The following MYO5B variants were observed in gnomAD, a reference collection of about 807,000 sequenced individuals.
MYO5B encodes the protein myosin VB.
A neutral mutation model predicts 229.3 loss-of-function variants in MYO5B; 143 were observed. The observed-to-expected ratio is 0.62, with a 90% CI of 0.54 to 0.72. MYO5B has a LOEUF of 0.72. MYO5B is among the 30% of genes least tolerant of loss of function. The probability of loss-of-function intolerance (pLI) is 0.00; values close to 1 mark genes in which losing one functional copy is unlikely to be tolerated. For synonymous variants in MYO5B, 918 were observed against 885.2 expected (o/e 1.04, Z -0.66); for missense variants, 2,321 against 2,331.0 (o/e 1.00, Z 0.09).
At chr18:49,929,655 G>T in intron 16 of MYO5B, 57 bp from the exon 17 acceptor site, 1 of 1,445,036 alleles carries the variant, frequency 6.9e-7, no homozygotes, top group Non-Finnish European at 9.5e-7. Flanking sequence ...GGCCACATTT[G>T]CAAAAAAGAA....
At chr18:50,084,557 T>C (rs555385479) in intron 1 of MYO5B, among the ~76,000 whole-genome samples, 32 of 152,316 alleles carry the variant, frequency 2.1e-4, no homozygotes, top group African/African-American at 6.7e-4. Context: ...TTTGCTCTGA[T>C]GGTAGTGACA....
rs538885038 is a variant in MYO5B, at chr18:50,169,909, C to T, written c.27+24858G>A. ...GTTAGCAGGACAATGAGATAGGAGC[C>T]GTGGACCTGCCACACGGGCCCCAGA... On this transcript the variant is annotated intron_variant, in intron 1 of 39. Transcript: ENST00000285039. Among the ~76,000 whole-genome samples, 3 of 126,312 alleles carry T rather than the reference C, an allele frequency of 2.4e-5. 1 individual carries two copies. The highest frequency in any genetic ancestry group is 2.8e-4 in the South Asian group (1 of 3,530). 82.9% of individuals were successfully genotyped at this position (126,312 alleles called of 152,430 possible).
intron 31 of MYO5B, among the ~76,000 whole-genome samples, chr18:49,852,653 C>T (rs908746946): frequency 6.6e-5 from 10 of 152,100 alleles, no homozygotes; most frequent in African/African-American, 2.2e-4. Context: ...AGGTGATCGG[C>T]ACTGCTGAGC....
At chr18:49,947,836 A>G (rs1344338636) in intron 14 of MYO5B, among the ~76,000 whole-genome samples, 1 of 152,230 alleles carries the variant, frequency 6.6e-6, no homozygotes, top group Non-Finnish European at 1.5e-5. Flanking sequence ...GGGGCAAATC[A>G]AAAAGGGACT....
chr18:49,886,990 T>C (rs547481901), intron 22 of MYO5B, among the ~76,000 whole-genome samples: 12 of 152,328 alleles, frequency 7.9e-5, no homozygotes, highest in Non-Finnish European at 1.8e-4. Context: ...TGAAATGTGA[T>C]TCCTAATGTT....
intron 2 of MYO5B, among the ~76,000 whole-genome samples, chr18:50,050,862 G>A (rs1156703152): frequency 1.3e-5 from 2 of 152,210 alleles, no homozygotes; most frequent in African/African-American, 2.4e-5. Flanking sequence ...GATAGCACAT[G>A]CAAAAGATTC....
chr18:50,035,183 G>C (rs1022179259), intron 4 of MYO5B, among the ~76,000 whole-genome samples: 4 of 152,128 alleles, frequency 2.6e-5, no homozygotes, highest in Non-Finnish European at 5.9e-5. Flanking sequence ...GACTCCACAG[G>C]GTGGAAAGCT....
At chr18:49,857,966 G>C (rs1414249265) in intron 29 of MYO5B, among the ~76,000 whole-genome samples, 1 of 152,188 alleles carries the variant, frequency 6.6e-6, no homozygotes, top group African/African-American at 2.4e-5. Context: ...TTCCAGGCAG[G>C]AATAATGGAG....
intron 1 of MYO5B, chr18:50,097,580 A>G (rs2031576730): frequency 4.2e-6 from 1 of 235,332 alleles, no homozygotes; most frequent in African/African-American, 2.3e-5. Context: ...CTGGTCTGTT[A>G]AAAATCATCA....
At chr18:50,107,515 T>C (rs949202507) in intron 1 of MYO5B, among the ~76,000 whole-genome samples, 13 of 152,160 alleles carry the variant, frequency 8.5e-5, no homozygotes, top group African/African-American at 2.7e-4. Flanking sequence ...CAACTTAAAC[T>C]TAACAAGATC....
intron 1 of MYO5B, among the ~76,000 whole-genome samples, chr18:50,080,275 C>A (rs1045502421): frequency 6.6e-6 from 1 of 152,084 alleles, no homozygotes; most frequent in East Asian, 1.9e-4. Flanking sequence ...GTTAACGACA[C>A]AGTTTCTTAA....
At chr18:49,963,066 T>C (rs929914629) in intron 10 of MYO5B, 36 bp from the exon 11 acceptor site, 3 of 1,568,012 alleles carry the variant, frequency 1.9e-6, no homozygotes, top group Non-Finnish European at 2.6e-6. Context: ...AGACGTCTCC[T>C]TTCAACAAAG....
Position 50,149,418 on chromosome 18 carries a change from T to G in MYO5B, c.27+45349A>C, listed in dbSNP as rs569483171. On this transcript the variant is annotated intron_variant, in intron 1 of 39. Coordinates refer to ENST00000285039, the MANE Select transcript of MYO5B (RefSeq NM_001080467.3). ...AAGAACAAAGCTGGAGGCATCATGC[T>G]ACCTGACTTCAAACTATACTACAAG... Among the ~76,000 whole-genome samples the G allele has an allele frequency of 8.7e-3, 1,322 of 152,084 alleles. 7 individuals are homozygous for G. Among genetic ancestry groups the G allele is most frequent in the African/African-American group, 0.03 (1,242 of 41,406 alleles).
chr18:49,880,300 A>G, intron 23 of MYO5B, 71 bp downstream of exon 23: 1 of 1,275,788 alleles, frequency 7.8e-7, no homozygotes, highest in South Asian at 1.2e-5. Context: ...GCTTGCTAGG[A>G]GTCTTTGGGA....
intron 22 of MYO5B, among the ~76,000 whole-genome samples, chr18:49,883,333 T>C (rs1397628159): frequency 6.6e-6 from 1 of 152,184 alleles, no homozygotes; most frequent in African/African-American, 2.4e-5. Flanking sequence ...CAAAACTCAA[T>C]TGTATTTGTA....
Position 49,929,610 on chromosome 18 carries a change from GAAAAAA to G in MYO5B, c.2004-18_2004-13del. 8 of 1,288,112 alleles carry G rather than the reference GAAAAAA, an allele frequency of 6.2e-6. No individual in the cohort carries two copies. The highest frequency in any genetic ancestry group is 2.2e-5 in the Admixed American group (1 of 45,196). The allele number at this position is 1,288,112 out of a possible 1,614,324, so 79.8% of individuals were successfully genotyped here. On this transcript the variant is annotated splice_polypyrimidine_tract_variant and intron_variant, in intron 16 of 39. Coordinates refer to ENST00000285039, the MANE Select transcript of MYO5B (RefSeq NM_001080467.3). ...TCTTTGGGTCAAAGCTGCCAAAGGA[GAAAAAA>G]AAAAAAAAAAGCAAGACAAGAGATG...
chr18:50,094,135 G>A (rs980598658), intron 1 of MYO5B, among the ~76,000 whole-genome samples: 1 of 152,170 alleles, frequency 6.6e-6, no homozygotes, highest in African/African-American at 2.4e-5. Context: ...CCCCTTTCCA[G>A]TAAAACAGTC....
chr18:50,008,835 A>G (rs1598949374), intron 4 of MYO5B, among the ~76,000 whole-genome samples: 1 of 152,214 alleles, frequency 6.6e-6, no homozygotes, highest in African/African-American at 2.4e-5. Flanking sequence ...TAATGGGATA[A>G]TCAGTCTACT....
At chr18:49,872,753 T>C (rs2024470884) in intron 26 of MYO5B, among the ~76,000 whole-genome samples, 1 of 152,172 alleles carries the variant, frequency 6.6e-6, no homozygotes, top group African/African-American at 2.4e-5. Flanking sequence ...ACATGGGAAG[T>C]TGAGAGAAAG....
Sources: allele counts gnomAD v4.1 joint callset (sites outside exome capture counted in the v4.1 genomes callset), GRCh38; gene constraint gnomAD v4.1.1; transcripts MANE v1.5; gene names NCBI Gene and HGNC (gene_info 2026-07-23, HGNC 2026-07-21).